The following DCAF6 variants were observed in gnomAD, a reference collection of about 807,000 sequenced individuals.
The protein encoded by DCAF6 is DDB1- and CUL4-associated factor 6.
Under a neutral mutation model 125.1 loss-of-function variants are expected in DCAF6, and 54 were observed. That is an observed-to-expected ratio of 0.43 (90% CI 0.35 to 0.54). The LOEUF is 0.54. Among genes scored for constraint, DCAF6 ranks in the 20% least tolerant of loss-of-function variants. The pLI is 0.01. For synonymous variants in DCAF6, 371 were observed against 390.4 expected (o/e 0.95, Z 0.58); for missense variants, 934 against 1,161.7 (o/e 0.80, Z 2.85).
At chr1:168,021,455 A>T (rs1685659323) in intron 11 of DCAF6, among the ~76,000 whole-genome samples, 1 of 152,174 alleles carries the variant, frequency 6.6e-6, no homozygotes, top group Non-Finnish European at 1.5e-5. Flanking sequence ...TAAAAACAAC[A>T]TAGATGGTAG....
At chr1:168,010,078 T>C (rs922527626) in intron 10 of DCAF6, among the ~76,000 whole-genome samples, 1 of 152,210 alleles carries the variant, frequency 6.6e-6, no homozygotes, top group African/African-American at 2.4e-5. Context: ...TTCCATTAAG[T>C]TTCCAAAATT....
chr1:168,056,082 G>C, intron 17 of DCAF6: 2 of 1,596,204 alleles, frequency 1.3e-6, no homozygotes, highest in Non-Finnish European at 1.7e-6. Context: ...TGATAAAGGA[G>C]AATAGAGTTC....
At chr1:167,966,853 G>A (rs1676490889) in intron 3 of DCAF6, 132 bp downstream of exon 3, 2 of 600,854 alleles carry the variant, frequency 3.3e-6, no homozygotes, top group Non-Finnish European at 2.9e-6. Context: ...GAGGTTTATT[G>A]TATAATTTAG....
At chr1:168,007,185 A>C (rs996383875) in intron 10 of DCAF6, among the ~76,000 whole-genome samples, 12 of 152,348 alleles carry the variant, frequency 7.9e-5, no homozygotes, top group South Asian at 4.1e-4. Context: ...ATTGTGATAG[A>C]AGCAGAAAGC....
chr1:168,043,624 G>A (rs765010027), intron 14 of DCAF6, among the ~76,000 whole-genome samples: 2 of 152,104 alleles, frequency 1.3e-5, no homozygotes, highest in African/African-American at 2.4e-5. Flanking sequence ...GAAATTTAAT[G>A]TCTAGCACAG....
intron 7 of DCAF6, among the ~76,000 whole-genome samples, chr1:168,001,314 A>G (rs1323900341): frequency 1.3e-5 from 2 of 152,166 alleles, no homozygotes; most frequent in Admixed American, 1.3e-4. Context: ...TTAAAAATGT[A>G]AACATTAAAG....
At chr1:167,970,116 T>G (rs565807887) in intron 3 of DCAF6, among the ~76,000 whole-genome samples, 1 of 152,280 alleles carries the variant, frequency 6.6e-6, no homozygotes, top group South Asian at 2.1e-4. Context: ...TGAAATAATG[T>G]ATATGTAGAA....
chr1:167,892,275 A>G, the DCAF6 span, among the ~76,000 whole-genome samples: 1 of 152,174 alleles, frequency 6.6e-6, no homozygotes, highest in Non-Finnish European at 1.5e-5. Flanking sequence ...TGATTTTTCA[A>G]ATAAAATCAT....
Position 168,015,833 on chromosome 1 carries a change from G to A in DCAF6, c.1431G>A (p.Leu477=). Residue 477 remains leucine, a synonymous_variant, in exon 11 of 22, where the codon CTG becomes CTA. Transcript: ENST00000367840. ...TGCTTCGTAAGCGCCTGCAACAACT[G>A]AGGCTTAAGAAGGCTGAGCAGCAGA... The part of the protein sequence containing the change: ...IALLRKRLQQ[L]RLKKAEQQRQ... 3.3e-6 allele frequency: 5 copies of A among 1,536,506 alleles called. No homozygotes were observed. The highest frequency in any genetic ancestry group is 4.4e-6 in the Non-Finnish European group (5 of 1,139,770).
At chr1:167,873,380 C>G in the DCAF6 span, among the ~76,000 whole-genome samples, 1 of 152,152 alleles carries the variant, frequency 6.6e-6, no homozygotes, top group African/African-American at 2.4e-5. Context: ...CTGTTGCCCT[C>G]CTTCAGGCTC....
intron 2 of DCAF6, among the ~76,000 whole-genome samples, chr1:167,960,793 G>T (rs938147550): frequency 6.6e-6 from 1 of 152,080 alleles, no homozygotes; most frequent in South Asian, 2.1e-4. Context: ...GAACAACTTT[G>T]TTCTTCTCCC....
the DCAF6 span, among the ~76,000 whole-genome samples, chr1:167,870,781 C>T: frequency 5.9e-5 from 9 of 151,352 alleles, no homozygotes; most frequent in East Asian, 1.2e-3. Context: ...TGCACTCCAG[C>T]CTGGGCGACA....
the DCAF6 span, among the ~76,000 whole-genome samples, chr1:167,891,726 T>C: frequency 1.3e-4 from 20 of 151,820 alleles, no homozygotes; most frequent in African/African-American, 4.8e-4. Flanking sequence ...CCCTGAATTT[T>C]GTTAATTAAA....
the DCAF6 span, among the ~76,000 whole-genome samples, chr1:167,875,459 C>T: frequency 6.6e-6 from 1 of 152,246 alleles, no homozygotes; most frequent in African/African-American, 2.4e-5. Flanking sequence ...AGAGAAACCC[C>T]TTTCTGGGGA....
chr1:168,015,718 C>A, intron 10 of DCAF6, 63 bp from the exon 11 acceptor site: 1 of 1,316,674 alleles, frequency 7.6e-7, no homozygotes, highest in South Asian at 1.9e-5. Flanking sequence ...AATGTATAAT[C>A]AAATTCTTAT....
chr1:167,880,327 T>C, the DCAF6 span: 5 of 1,002,958 alleles, frequency 5.0e-6, no homozygotes, highest in Non-Finnish European at 7.8e-6. Flanking sequence ...AATTAGTTTA[T>C]GGCATTTCTA....
chr1:168,010,024 G>T (rs1344604389), intron 10 of DCAF6, among the ~76,000 whole-genome samples: 1 of 152,026 alleles, frequency 6.6e-6, no homozygotes, highest in Non-Finnish European at 1.5e-5. Context: ...CTTTATTTTA[G>T]TCTTTAGATT....
rs982697906 is a variant in DCAF6 at position 168,047,551 on chromosome 1, T to C, written c.2258+2324T>C. Among the ~76,000 whole-genome samples the C allele has an allele frequency of 2.0e-5, 3 of 152,104 alleles. No individual in the cohort carries two copies. The East Asian group carries it at 5.8e-4, about 29-fold the overall frequency. On this transcript the variant is annotated intron_variant, in intron 16 of 21. Coordinates refer to ENST00000367840, the MANE Select transcript of DCAF6 (RefSeq NM_001198956.2). ...ACATGGTATTTTGTTTTGTAAGATA[T>C]AGTAGTAAACTTCCTGAAGAGTAAC...
At chr1:168,021,932 A>G (rs1025304174) in intron 11 of DCAF6, among the ~76,000 whole-genome samples, 2 of 152,194 alleles carry the variant, frequency 1.3e-5, no homozygotes, top group Non-Finnish European at 2.9e-5. Flanking sequence ...AACATTTGCT[A>G]AGAACTAGAG....
Sources: gnomAD v4.1 joint callset for allele counts (sites outside exome capture counted in the v4.1 genomes callset) on GRCh38, gnomAD v4.1.1 for gene constraint, MANE v1.5 for transcripts, NCBI Gene and HGNC (gene_info 2026-07-23, HGNC 2026-07-21) for gene names.